Variants in RTN1 observed in about 807,000 individuals in gnomAD.
RTN1 encodes the protein reticulon-1.
In RTN1, 25 loss-of-function variants were observed where a neutral mutation model predicts 65.5. The ratio of observed to expected loss-of-function variants is 0.38; its 90% CI spans 0.28 to 0.53. The LOEUF is 0.53. RTN1 is among the 20% of genes least tolerant of loss of function. The probability of loss-of-function intolerance (pLI) is 0.79; values close to 1 mark genes in which losing one functional copy is unlikely to be tolerated. For missense variants in RTN1, 983 were observed against 1,025.4 expected (o/e 0.96, Z 0.57); for synonymous variants, 471 against 447.6 (o/e 1.05, Z -0.66).
chr14:59,782,170 C>T (rs1886167541), intron 1 of RTN1, among the ~76,000 whole-genome samples: 1 of 152,072 alleles, frequency 6.6e-6, no homozygotes, highest in Non-Finnish European at 1.5e-5. Context: ...CTTGACCTTC[C>T]CAGCCTCTGG....
In RTN1 at chr14:59,868,025, T is replaced by C. The variant is rs1298526080; in HGVS notation, c.241+2365A>G. ...GTAAATTAAGAAATACAGTGTAAAG[T>C]AGTGTGCTTAATAGGCATCTCTGAT... On this transcript the variant is annotated intron_variant, in intron 1 of 8. Coordinates refer to ENST00000267484, the MANE Select transcript of RTN1 (RefSeq NM_021136.3). The surrounding 1 kb of genome is among the most constrained non-coding windows in gnomAD (Gnocchi z 4.0). Among the ~76,000 whole-genome samples, 1 of 152,218 alleles carries C rather than the reference T, an allele frequency of 6.6e-6. No homozygotes were observed. Among genetic ancestry groups the C allele is most frequent in the Non-Finnish European group, 1.5e-5 (1 of 68,028 alleles).
At chr14:59,833,569 C>T (rs1340446377) in intron 1 of RTN1, among the ~76,000 whole-genome samples, 1 of 151,750 alleles carries the variant, frequency 6.6e-6, no homozygotes, top group Non-Finnish European at 1.5e-5. Context: ...GGTACATGTA[C>T]AGGTTTCTTA....
intron 1 of RTN1, among the ~76,000 whole-genome samples, chr14:59,801,083 A>G (rs1249284997): frequency 6.6e-6 from 1 of 152,190 alleles, no homozygotes; most frequent in East Asian, 1.9e-4. Flanking sequence ...AAAACAAAAC[A>G]CAGCATCCAA....
intron 3 of RTN1, among the ~76,000 whole-genome samples, chr14:59,713,984 C>T (rs192816174): frequency 6.6e-6 from 1 of 152,100 alleles, no homozygotes; most frequent in African/African-American, 2.4e-5. Context: ...GCCTGTAATC[C>T]CAGCACCTTG....
intron 2 of RTN1, among the ~76,000 whole-genome samples, chr14:59,729,452 T>C (rs1339218343): frequency 6.6e-6 from 1 of 152,186 alleles, no homozygotes; most frequent in Admixed American, 6.5e-5. Flanking sequence ...TTTTAAAAAT[T>C]TATTCTATGA....
chr14:59,753,438 G>A (rs767318940), intron 1 of RTN1, among the ~76,000 whole-genome samples: 15 of 152,068 alleles, frequency 9.9e-5, no homozygotes, highest in South Asian at 8.3e-4. Flanking sequence ...AGATGGGATC[G>A]TATTAGAATC....
In RTN1 at chr14:59,816,815, C is replaced by G. The variant is rs1454627847; in HGVS notation, c.241+53575G>C. On this transcript the variant is annotated intron_variant, in intron 1 of 8. Transcript: ENST00000267484. This position sits in a 1 kb window ranked among gnomAD's most constrained non-coding sequence, Gnocchi z 4.3. ...GGGTGTGGTGGCATGTGCCTGTGGT[C>G]CCAGCTACTCGGGAGGCTAAGGTGG... Among the ~76,000 whole-genome samples the G allele has an allele frequency of 1.3e-5, 2 of 152,040 alleles. No individual in the cohort carries two copies. Among genetic ancestry groups the G allele is most frequent in the African/African-American group, 4.8e-5 (2 of 41,390 alleles).
intron 3 of RTN1, among the ~76,000 whole-genome samples, chr14:59,614,286 C>T (rs775841635): frequency 1.3e-4 from 20 of 152,100 alleles, no homozygotes; most frequent in Middle Eastern, 3.2e-3. Flanking sequence ...GCTTATTTGG[C>T]CCTAGAAATT....
At chr14:59,869,171 G>A (rs561806932) in intron 1 of RTN1, among the ~76,000 whole-genome samples, 5 of 151,740 alleles carry the variant, frequency 3.3e-5, no homozygotes, top group Non-Finnish European at 5.9e-5. Context: ...CAGATCTTCT[G>A]TACCAGGGCA....
chr14:59,731,463 C>T (rs999367351), intron 2 of RTN1, among the ~76,000 whole-genome samples: 1 of 151,916 alleles, frequency 6.6e-6, no homozygotes, highest in African/African-American at 2.4e-5. Context: ...TGGAAATGTA[C>T]ATTTAAATGA....
intron 1 of RTN1, among the ~76,000 whole-genome samples, chr14:59,805,650 G>T (rs573297069): frequency 6.6e-6 from 1 of 152,268 alleles, no homozygotes; most frequent in African/African-American, 2.4e-5. Flanking sequence ...TTCCACAGAA[G>T]TTTGACCTAA....
chr14:59,618,288 T>G (rs1435855990), intron 3 of RTN1, among the ~76,000 whole-genome samples: 3 of 152,200 alleles, frequency 2.0e-5, no homozygotes, highest in African/African-American at 7.2e-5. Context: ...TGACCCTCCC[T>G]AAACTGCTCC....
intron 3 of RTN1, among the ~76,000 whole-genome samples, chr14:59,630,258 AG>A (rs1410762572): frequency 1.3e-5 from 2 of 151,758 alleles, no homozygotes; most frequent in African/African-American, 4.8e-5. Flanking sequence ...AAAAAAAAAA[AG>A]AAAAAAACAA....
At chr14:59,736,466 C>T (rs1885004544) in intron 2 of RTN1, among the ~76,000 whole-genome samples, 1 of 152,086 alleles carries the variant, frequency 6.6e-6, no homozygotes, top group African/African-American at 2.4e-5. Context: ...CCTGCAAAGA[C>T]TCAACCAGGA....
chr14:59,644,518 C>T (rs1015729873), intron 3 of RTN1, among the ~76,000 whole-genome samples: 1 of 152,198 alleles, frequency 6.6e-6, no homozygotes, highest in Non-Finnish European at 1.5e-5. Context: ...GCCCCGGGAG[C>T]TTTAGATACC....
At chr14:59,863,128 C>T (rs1406908488) in intron 1 of RTN1, among the ~76,000 whole-genome samples, 3 of 152,214 alleles carry the variant, frequency 2.0e-5, no homozygotes, top group Non-Finnish European at 2.9e-5. Context: ...ATGCCCCCAC[C>T]TCCCGCAACA....
intron 3 of RTN1, among the ~76,000 whole-genome samples, chr14:59,640,114 G>A (rs1031687323): frequency 1.3e-5 from 2 of 152,138 alleles, no homozygotes; most frequent in Non-Finnish European, 2.9e-5. Flanking sequence ...GTTTATGTAA[G>A]ATGGTATTAT....
intron 1 of RTN1, among the ~76,000 whole-genome samples, chr14:59,819,432 A>ACCCCCCCC: frequency 1.8e-4 from 1 of 5,418 alleles, no homozygotes; most frequent in East Asian, 3.1e-3. Context: ...CCCACCCCCC[A>ACCCCCCCC]CCCCCCCCCC....
chr14:59,731,576 C>G (rs560997863), intron 2 of RTN1, among the ~76,000 whole-genome samples: 3 of 152,204 alleles, frequency 2.0e-5, no homozygotes, highest in African/African-American at 7.2e-5. Flanking sequence ...AAAAGTAATG[C>G]TTTTATTATG....
Sources: allele counts gnomAD v4.1 joint callset (sites outside exome capture counted in the v4.1 genomes callset), GRCh38; gene constraint gnomAD v4.1.1; non-coding constraint Gnocchi (gnomAD v3.1); transcripts MANE v1.5; gene names NCBI Gene and HGNC (gene_info 2026-07-23, HGNC 2026-07-21).